VWA2: variants seen among roughly 807,000 people sequenced by gnomAD.
The protein encoded by VWA2 is von Willebrand factor A domain containing 2.
In VWA2, 73 loss-of-function variants were observed where a neutral mutation model predicts 70.4. The ratio of observed to expected loss-of-function variants is 1.04; its 90% CI spans 0.86 to 1.26. The LOEUF (loss-of-function observed/expected upper bound fraction) is 1.26, where lower values mean the gene tolerates loss of function less well. VWA2 is among the 50% of genes most tolerant of loss of function. The pLI is 0.00. For synonymous variants in VWA2, 407 were observed against 423.3 expected (o/e 0.96, Z 0.47); for missense variants, 1,011 against 998.5 (o/e 1.01, Z -0.17).
rs996276230 is a variant in VWA2 at position 114,278,910 on chromosome 10, T to A, written c.833+59T>A. The A allele has an allele frequency of 6.9e-6, 11 of 1,603,494 alleles. No homozygotes were observed. In the Admixed American group the frequency reaches 1.8e-4, roughly 27 times the overall value. On this transcript the variant is annotated intron_variant, in intron 8 of 13. Coordinates refer to ENST00000392982, the MANE Select transcript of VWA2 (RefSeq NM_001272046.2). ...GAGATGAAGGCCCCCACCCCTGAGC[T>A]GCGGGGAGGATAGTACTTTGGGGCC...
intron 1 of VWA2, among the ~76,000 whole-genome samples, chr10:114,240,391 A>C (rs985370074): frequency 6.6e-6 from 1 of 152,202 alleles, no homozygotes; most frequent in African/African-American, 2.4e-5. Flanking sequence ...AAGAGAAGGG[A>C]GGAGGGCACC....
At chr10:114,269,627 G>T (rs923018081) in intron 5 of VWA2, among the ~76,000 whole-genome samples, 4 of 152,140 alleles carry the variant, frequency 2.6e-5, no homozygotes. Flanking sequence ...GCCTTCCCCT[G>T]AAGGTGGTAG....
chr10:114,282,697 G>T, intron 9 of VWA2, 126 bp downstream of exon 9: 1 of 751,192 alleles, frequency 1.3e-6, no homozygotes, highest in African/African-American at 1.7e-5. Flanking sequence ...AGAGGGATGG[G>T]GCACTTGGGG....
At chr10:114,250,545 C>T (rs373365263) in intron 2 of VWA2, among the ~76,000 whole-genome samples, 3 of 152,148 alleles carry the variant, frequency 2.0e-5, no homozygotes, top group Non-Finnish European at 2.9e-5. Flanking sequence ...TGCAGTTCCT[C>T]CCTGGTCTGT....
rs1222776167 is a variant in VWA2 at position 114,291,269 on chromosome 10, C to T, written c.*32C>T. Reference sequence around the variant, plus strand: ...TGGCTCCCGTGCAGGAGGGCAGCAGCCGTACCCCTCCCAGCAACTACAGAG... The same window carrying T: ...TGGCTCCCGTGCAGGAGGGCAGCAGTCGTACCCCTCCCAGCAACTACAGAG... On this transcript the variant is annotated 3_prime_UTR_variant, in exon 14 of 14. Coordinates refer to ENST00000392982, the MANE Select transcript of VWA2 (RefSeq NM_001272046.2). 2 of 1,544,858 alleles carry T rather than the reference C, an allele frequency of 1.3e-6. No homozygotes were observed. Among genetic ancestry groups the T allele is most frequent in the East Asian group, 2.4e-5 (1 of 40,836 alleles).
chr10:114,294,259 T>A lies in VWA2; in HGVS notation c.*3022T>A, dbSNP rs2039865366. ...TTTTCTTTTGCAATTTGTTTTGAAT[T>A]TTTGGTATCAGAGCTATACTAACCT... On this transcript the variant is annotated 3_prime_UTR_variant, in exon 14 of 14. Coordinates refer to ENST00000392982, the MANE Select transcript of VWA2 (RefSeq NM_001272046.2). 1.3e-5 allele frequency among the ~76,000 whole-genome samples: 2 copies of A among 152,242 alleles called. No individual in the cohort carries two copies. The highest frequency in any genetic ancestry group is 4.8e-5 in the African/African-American group (2 of 41,472).
At chr10:114,264,315 A>AT (rs1324913486) in intron 5 of VWA2, among the ~76,000 whole-genome samples, 1 of 152,292 alleles carries the variant, frequency 6.6e-6, no homozygotes, top group Non-Finnish European at 1.5e-5. Flanking sequence ...AACTGTAAGA[A>AT]TGAACAAAAT....
At position 114,290,352 on chromosome 10, in the gene VWA2, C is replaced by T. The variant is rs62641660; in HGVS notation, c.2235C>T (p.Pro745=). The T allele has an allele frequency of 1.2e-4, 192 of 1,550,534 alleles. No individual in the cohort carries two copies. The highest frequency in any genetic ancestry group is 1.6e-4 in the Non-Finnish European group (183 of 1,146,956). ...AGTGTCGGGATGGCTGGGAGGGCCCCCACTGCGAGAACCGTGAGTGGAGCT... is the reference window on the plus strand; with the variant it reads ...AGTGTCGGGATGGCTGGGAGGGCCCTCACTGCGAGAACCGTGAGTGGAGCT... The part of the protein sequence containing the change: ...RCKCRDGWEG[P]HCENRFLRRP Residue 745 remains proline, a synonymous_variant, in exon 13 of 14, where the codon CCC becomes CCT. Transcript: ENST00000392982.
intron 8 of VWA2, chr10:114,280,985 T>C (rs1307302147): frequency 6.6e-6 from 1 of 152,182 alleles, no homozygotes; most frequent in African/African-American, 2.4e-5. Flanking sequence ...AATTCCTGCC[T>C]CCGCCTTTCA....
intron 5 of VWA2, among the ~76,000 whole-genome samples, chr10:114,263,107 C>A (rs2037480556): frequency 6.6e-6 from 1 of 152,128 alleles, no homozygotes; most frequent in Non-Finnish European, 1.5e-5. Flanking sequence ...CCTCCACCTC[C>A]CAGGCTCAAG....
At chr10:114,248,505 G>C (rs1242153045) in intron 1 of VWA2, among the ~76,000 whole-genome samples, 199 bp from the exon 2 acceptor site, 2 of 152,176 alleles carry the variant, frequency 1.3e-5, no homozygotes. Context: ...TGTTAGCTTG[G>C]TGTCTAAAAC....
At chr10:114,243,940 C>T (rs749511656) in intron 1 of VWA2, among the ~76,000 whole-genome samples, 100 of 152,196 alleles carry the variant, frequency 6.6e-4, no homozygotes, top group Non-Finnish European at 1.3e-3. Context: ...TGGAGAGCAT[C>T]TACATCCATG....
chr10:114,253,735 G>A lies in VWA2; in HGVS notation c.127+10G>A, dbSNP rs1405414381. The stretch of plus-strand genomic sequence containing the variant: ...TCAGCTGCCAGCAAAAGTAAGCCCA[G>A]GTTCTTCTTAACCCTCCAGATGCCC... On this transcript the variant is annotated intron_variant, in intron 3 of 13. Coordinates refer to ENST00000392982, the MANE Select transcript of VWA2 (RefSeq NM_001272046.2). The A allele has an allele frequency of 1.9e-6, 3 of 1,611,978 alleles. No homozygotes were observed. Among genetic ancestry groups the A allele is most frequent in the East Asian group, 4.5e-5 (2 of 44,724 alleles).
intron 5 of VWA2, among the ~76,000 whole-genome samples, chr10:114,267,102 G>A (rs1008130826): frequency 6.6e-6 from 1 of 152,076 alleles, no homozygotes; most frequent in Non-Finnish European, 1.5e-5. Context: ...TGTACCTACA[G>A]TGGGTTTTCT....
chr10:114,281,455 G>A (rs773675041), intron 8 of VWA2, among the ~76,000 whole-genome samples: 7 of 152,186 alleles, frequency 4.6e-5, no homozygotes, highest in Non-Finnish European at 8.8e-5. Context: ...GGCCCTAAGT[G>A]AGCCCTCAGA....
intron 6 of VWA2, 115 bp downstream of exon 6, chr10:114,273,049 C>A: frequency 1.2e-6 from 1 of 812,100 alleles, no homozygotes; most frequent in Non-Finnish European, 1.8e-6. Flanking sequence ...TTCCCTGGAT[C>A]TGTCTTTTCC....
At chr10:114,290,190 G>T in intron 12 of VWA2, 50 bp from the exon 13 acceptor site, 1 of 1,546,012 alleles carries the variant, frequency 6.5e-7, no homozygotes, top group East Asian at 2.5e-5. Context: ...GGGTCTTCGG[G>T]TCTAACCCAT....
intron 4 of VWA2, among the ~76,000 whole-genome samples, chr10:114,260,507 G>A (rs1200561226): frequency 2.0e-5 from 3 of 152,166 alleles, no homozygotes; most frequent in African/African-American, 2.4e-5. Context: ...ATGAAGGACC[G>A]GGTTGTGGGG....
rs748158375 is a variant in VWA2, at chr10:114,291,323, C to T, written c.*86C>T. On this transcript the variant is annotated 3_prime_UTR_variant, in exon 14 of 14. Transcript: ENST00000392982. ...GCCTGGGCACTGAAATGGTGCCTAC[C>T]TTCTGGAATGTCTGTGCCCCAGGTC... is the stretch of plus-strand genomic sequence containing the variant. The T allele has an allele frequency of 4.2e-6, 6 of 1,429,026 alleles. No homozygotes were observed. In the Middle Eastern group the frequency reaches 5.4e-4, roughly 128 times the overall value. 88.5% of individuals were successfully genotyped at this position (1,429,026 alleles called of 1,614,324 possible).
Sources: gnomAD v4.1 joint callset for allele counts (sites outside exome capture counted in the v4.1 genomes callset) on GRCh38, gnomAD v4.1.1 for gene constraint, MANE v1.5 for transcripts, NCBI Gene and HGNC (gene_info 2026-07-23, HGNC 2026-07-21) for gene names.